ZNF771: variants seen among roughly 807,000 people sequenced by gnomAD.
The protein encoded by ZNF771 is zinc finger protein 771.
Under a neutral mutation model 27.6 loss-of-function variants are expected in ZNF771, and 10 were observed. The observed-to-expected ratio is 0.36, with a 90% confidence interval of 0.22 to 0.61. The LOEUF is 0.61. Among genes scored for constraint, ZNF771 ranks in the 20% least tolerant of loss-of-function variants. ZNF771 has a pLI of 0.70. For missense variants in ZNF771, 438 were observed against 503.7 expected (o/e 0.87, Z 1.25); for synonymous variants, 261 against 225.2 (o/e 1.16, Z -1.43).
chr16:30,413,584 T>A, intron 2 of ZNF771: 1 of 437,846 alleles, frequency 2.3e-6, no homozygotes, highest in South Asian at 1.6e-5. Flanking sequence ...TTTCTTTTTT[T>A]AGAGACACGA....
chr16:30,418,297 A>G lies in ZNF771; in HGVS notation c.884A>G (p.Asp295Gly). 6.7e-7 allele frequency: 1 copy of G among 1,501,952 alleles called. No individual in the cohort carries two copies. Among genetic ancestry groups the G allele is most frequent in the Non-Finnish European group, 8.8e-7 (1 of 1,131,322 alleles). The allele number at this position is 1,501,952 out of a possible 1,614,324, so 93.0% of individuals were successfully genotyped here. ...TATATTTGCGCCGGCTGCGGCAGGGACTTCAAGCTGCCCCCTGGCGCCACG... is the reference window on the plus strand; with the variant it reads ...TATATTTGCGCCGGCTGCGGCAGGGGCTTCAAGCTGCCCCCTGGCGCCACG... ...RLYICAGCGR[D>G]FKLPPGATAA... is the part of the protein sequence containing the mutation. The change falls in exon 3 of 3, where the codon GAC becomes GGC. Residue 295 changes from aspartate to glycine, a missense_variant. Asp to Gly is a moderately conservative substitution (Grantham distance 94, BLOSUM62 -1). Transcript: ENST00000319296.
chr16:30,417,372 T>A (rs2050139769), intron 2 of ZNF771, among the ~76,000 whole-genome samples, 183 bp from the exon 3 acceptor site: 1 of 152,260 alleles, frequency 6.6e-6, no homozygotes, highest in African/African-American at 2.4e-5. Context: ...CTGGGCTTTG[T>A]GATGTGTGCG....
chr16:30,417,468 G>A (rs1429091663), intron 2 of ZNF771, 87 bp from the exon 3 acceptor site: 18 of 929,850 alleles, frequency 1.9e-5, no homozygotes, highest in Non-Finnish European at 2.1e-5. Flanking sequence ...GGGAACTGAG[G>A]CTCACAGAGG....
In ZNF771 at chr16:30,418,881, C is replaced by T. The variant is rs996902903; in HGVS notation, c.*514C>T. On this transcript the variant is annotated 3_prime_UTR_variant, in exon 3 of 3. Transcript: ENST00000319296. ...CAAGGCACGACCCTCAGATCTCAGT[C>T]TAGTGAAGGAGAGAAAACTGTAATA... 1 of 155,980 alleles carries T rather than the reference C, an allele frequency of 6.4e-6. No homozygotes were observed. The highest frequency in any genetic ancestry group is 1.4e-5 in the Non-Finnish European group (1 of 70,820). The allele number at this position is 155,980 out of a possible 1,614,324, so 9.7% of individuals were successfully genotyped here.
chr16:30,409,737 C>T lies in ZNF771; in HGVS notation c.141+1543C>T, dbSNP rs542463768. On this transcript the variant is annotated intron_variant, in intron 2 of 2. Coordinates refer to ENST00000319296, the MANE Select transcript of ZNF771 (RefSeq NM_001142305.2). ...ACTATCTGGTTGTGTTTGTTGCGGG[C>T]CCCCTTCGCCCATTATCCAGCTCTG... is the stretch of plus-strand genomic sequence containing the variant. 5.3e-4 allele frequency among the ~76,000 whole-genome samples: 80 copies of T among 152,298 alleles called. 1 individual carries two copies. The highest frequency in any genetic ancestry group is 3.4e-3 in the Middle Eastern group (1 of 294).
rs953185974 is a variant in ZNF771 at position 30,419,275 on chromosome 16, A to C, written c.*908A>C. 6.6e-6 allele frequency: 1 copy of C among 150,790 alleles called. No homozygotes were observed. The highest frequency in any genetic ancestry group is 2.4e-5 in the African/African-American group (1 of 41,166). 9.3% of individuals were successfully genotyped at this position (150,790 alleles called of 1,614,324 possible). On this transcript the variant is annotated 3_prime_UTR_variant, in exon 3 of 3. Transcript: ENST00000319296. ...ACAAACCAAACCAAACCAAACCAAA[A>C]AAATCTCAAAGCGATTGGACCTAGC... is the stretch of plus-strand genomic sequence containing the variant.
chr16:30,413,627 GC>G (rs2050117552), intron 2 of ZNF771: 1 of 434,842 alleles, frequency 2.3e-6, no homozygotes, highest in African/African-American at 2.0e-5. Context: ...GAGTGCAGTG[GC>G]ACGTGATTGT....
chr16:30,407,997 G>GC (rs1247345123), intron 1 of ZNF771, 48 bp from the exon 2 acceptor site: 53 of 883,952 alleles, frequency 6.0e-5, no homozygotes, highest in Non-Finnish European at 8.6e-5. Flanking sequence ...CGGGGGGGGG[G>GC]GTGGGGGGGG....
rs1409912436 is a variant in ZNF771, at chr16:30,418,197, G to A, written c.784G>A (p.Ala262Thr). 8.6e-6 allele frequency: 13 copies of A among 1,504,136 alleles called. No homozygotes were observed. Among genetic ancestry groups the A allele is most frequent in the Non-Finnish European group, 9.7e-6 (11 of 1,133,206 alleles). 93.2% of individuals were successfully genotyped at this position (1,504,136 alleles called of 1,614,324 possible). ...THTGERPYPC[A>T]ECGRRFRLSS... ...CACAGGCGAGCGGCCCTACCCCTGCGCCGAGTGCGGCCGCCGCTTCCGCCT... is the reference window on the plus strand; with the variant it reads ...CACAGGCGAGCGGCCCTACCCCTGCACCGAGTGCGGCCGCCGCTTCCGCCT... The change falls in exon 3 of 3, where the codon GCC becomes ACC. Residue 262 changes from alanine (A) to threonine (T), a missense_variant. This residue lies in a region of ZNF771 where 305 missense variants were observed against 308.0 expected (regional missense o/e 0.99). Coordinates refer to ENST00000319296, the MANE Select transcript of ZNF771 (RefSeq NM_001142305.2).
chr16:30,409,802 T>C (rs980734040), intron 2 of ZNF771, among the ~76,000 whole-genome samples: 1 of 152,182 alleles, frequency 6.6e-6, no homozygotes, highest in African/African-American at 2.4e-5. Flanking sequence ...ATCTCCACCT[T>C]TGGCCTCTAA....
Position 30,418,246 on chromosome 16 carries a change from G to C in ZNF771, c.833G>C (p.Arg278Pro), listed in dbSNP as rs1452062770. 1 of 1,514,784 alleles carries C rather than the reference G, an allele frequency of 6.6e-7. No individual in the cohort carries two copies. The allele number at this position is 1,514,784 out of a possible 1,614,324, so 93.8% of individuals were successfully genotyped here. ...CTAAGCTCGCACTTCATTCGCCACC[G>C]ACGCGCGCACATGCGGCGCCGCCTG... is the stretch of plus-strand genomic sequence containing the variant. The part of the protein sequence containing the change: ...FRLSSHFIRH[R>P]RAHMRRRLYI... The change falls in exon 3 of 3, where the codon CGA becomes CCA. Residue 278 changes from arginine (R) to proline (P), a missense_variant. By Grantham distance (103) the Arg-to-Pro change is moderately radical (BLOSUM62 -2). Transcript: ENST00000319296.
At chr16:30,411,054 C>A (rs1450496099) in intron 2 of ZNF771, among the ~76,000 whole-genome samples, 1 of 151,300 alleles carries the variant, frequency 6.6e-6, no homozygotes, top group East Asian at 2.0e-4. Flanking sequence ...CGTGGTGGCT[C>A]ATGCCTGTAA....
rs1430729179 is a variant in ZNF771, at chr16:30,418,106, C to T, written c.693C>T (p.His231=). ...GCGTGCACACGGGCGAGAAGCCGCA[C>T]CGCTGCGCTGTGTGTGGCCGTCGCT... The part of the protein sequence containing the change: ...HRRVHTGEKP[H]RCAVCGRRFG... The change falls in exon 3 of 3, where the codon CAC becomes CAT. Residue 231 remains histidine (H), a synonymous_variant. Coordinates refer to ENST00000319296, the MANE Select transcript of ZNF771 (RefSeq NM_001142305.2). 1.3e-5 allele frequency: 20 copies of T among 1,484,242 alleles called. No homozygotes were observed. Among genetic ancestry groups the T allele is most frequent in the Admixed American group, 2.3e-5 (1 of 42,990 alleles). 91.9% of individuals were successfully genotyped at this position (1,484,242 alleles called of 1,614,324 possible).
intron 2 of ZNF771, among the ~76,000 whole-genome samples, chr16:30,414,946 C>CTTTTTTTTTT (rs71149016): frequency 3.4e-5 from 2 of 59,464 alleles, no homozygotes; most frequent in Non-Finnish European, 2.9e-5. Flanking sequence ...CGCCCGGCCT[C>CTTTTTTTTTT]TTTTTTTTTT....
chr16:30,409,203 T>C (rs2050091853), intron 2 of ZNF771, among the ~76,000 whole-genome samples: 1 of 152,126 alleles, frequency 6.6e-6, no homozygotes. Context: ...CTCAAACTCC[T>C]GAGTTCAGGT....
chr16:30,416,966 C>G (rs1453306039), intron 2 of ZNF771, among the ~76,000 whole-genome samples: 1 of 150,800 alleles, frequency 6.6e-6, no homozygotes, highest in Non-Finnish European at 1.5e-5. Flanking sequence ...AATACAAGGC[C>G]CTATATGCCA....
chr16:30,415,036 C>T (rs2050126451), intron 2 of ZNF771, among the ~76,000 whole-genome samples: 1 of 142,778 alleles, frequency 7.0e-6, no homozygotes, highest in African/African-American at 2.7e-5. Context: ...CAGCTCACTG[C>T]AACCTCTGCC....
Position 30,407,630 on chromosome 16 carries a change from G to A in ZNF771, c.-44G>A, listed in dbSNP as rs975470096. ...TGAGTGCCCAGCCGCCCGGCGCCCA[G>A]GCCTGGGGCACCGCGAGTGCCGAAC... On this transcript the variant is annotated 5_prime_UTR_variant, in exon 1 of 3. Transcript: ENST00000319296. The A allele has an allele frequency of 1.4e-4, 22 of 158,872 alleles. No homozygotes were observed. Among genetic ancestry groups the A allele is most frequent in the African/African-American group, 5.3e-4 (22 of 41,488 alleles). 9.8% of individuals were successfully genotyped at this position (158,872 alleles called of 1,614,324 possible).
chr16:30,415,517 G>T (rs2050129527), intron 2 of ZNF771, among the ~76,000 whole-genome samples: 1 of 151,700 alleles, frequency 6.6e-6, no homozygotes, highest in Non-Finnish European at 1.5e-5. Flanking sequence ...CGAGTAGCTG[G>T]GATTACAGGC....
Sources: gnomAD v4.1 joint callset for allele counts (sites outside exome capture counted in the v4.1 genomes callset) on GRCh38, gnomAD v4.1.1 for gene constraint, gnomAD v4.1.1 regional missense constraint, MANE v1.5 for transcripts, NCBI Gene and HGNC (gene_info 2026-07-23, HGNC 2026-07-21) for gene names.